Variants in MOK observed in about 807,000 individuals in gnomAD.
MOK encodes the protein MAPK/MAK/MRK overlapping kinase.
In MOK, 59 loss-of-function variants were observed where a neutral mutation model predicts 54.2. That is an observed-to-expected ratio of 1.09 (90% CI 0.88 to 1.35). The LOEUF is 1.35. Among genes scored for constraint, MOK ranks in the 40% most tolerant of loss-of-function variants. The pLI is 0.00. For missense variants in MOK, 517 were observed against 526.2 expected (o/e 0.98, Z 0.17); for synonymous variants, 210 against 202.7 (o/e 1.04, Z -0.31).
chr14:102,286,274 G>A (rs1363564245), intron 1 of MOK, among the ~76,000 whole-genome samples: 1 of 138,980 alleles, frequency 7.2e-6, no homozygotes, highest in Admixed American at 7.5e-5. Flanking sequence ...ACTCCAGCCT[G>A]GGCGACAGAG....
intron 1 of MOK, among the ~76,000 whole-genome samples, chr14:102,291,305 G>A (rs1276282181): frequency 1.3e-5 from 2 of 152,148 alleles, no homozygotes; most frequent in Non-Finnish European, 2.9e-5. Flanking sequence ...TCTCCAAGAA[G>A]CTTCTGCAAA....
chr14:102,285,621 C>T (rs75068610), intron 1 of MOK, among the ~76,000 whole-genome samples: 2,735 of 152,206 alleles, frequency 0.018, 92 homozygotes, highest in African/African-American at 0.063. Flanking sequence ...ATATCCCTGG[C>T]CGGCTCACAC....
chr14:102,285,742 A>T (rs78154917), intron 1 of MOK, among the ~76,000 whole-genome samples: 2,736 of 152,108 alleles, frequency 0.018, 92 homozygotes, highest in African/African-American at 0.063. Context: ...AAATACAAAA[A>T]TTAGCTGGAT....
intron 1 of MOK, among the ~76,000 whole-genome samples, chr14:102,290,736 G>A (rs1201750097): frequency 2.6e-5 from 4 of 152,158 alleles, no homozygotes; most frequent in Admixed American, 2.0e-4. Flanking sequence ...GAGGATCCCT[G>A]AACCCTAATG....
At chr14:102,223,534 A>T (rs1679355105), downstream of MOK, 1 of 152,548 alleles carries the variant, frequency 6.6e-6, no homozygotes, top group Admixed American at 6.5e-5. Context: ...TGTTGTTTCC[A>T]ATGCAATCAA....
chr14:102,255,656 T>G lies in MOK; in HGVS notation c.284-3661A>C, dbSNP rs116127308. 4.6e-3 allele frequency among the ~76,000 whole-genome samples: 705 copies of G among 152,284 alleles called. 6 individuals carry two copies. The highest frequency in any genetic ancestry group is 0.016 in the African/African-American group (654 of 41,552). On this transcript the variant is annotated intron_variant, in intron 4 of 11. Coordinates refer to ENST00000361847, the MANE Select transcript of MOK (RefSeq NM_014226.3). ...GCAAAGGAAAGCACTGCCTAGCCAC[T>G]CTCCATAAGCTTCTCCAGAACAAAC...
intron 10 of MOK, 70 bp from the exon 11 acceptor site, chr14:102,229,727 G>A: frequency 7.2e-7 from 1 of 1,382,756 alleles, no homozygotes; most frequent in Non-Finnish European, 9.9e-7. Context: ...AAAAACGAAA[G>A]AGGCTCTTTT....
intron 1 of MOK, among the ~76,000 whole-genome samples, chr14:102,299,459 G>A (rs2071898016): frequency 6.6e-6 from 1 of 151,620 alleles, no homozygotes; most frequent in African/African-American, 2.4e-5. Context: ...AGGTTGCAGC[G>A]AGCCAAGATC....
rs2064410409 is a variant in MOK, at chr14:102,229,228, C to T, written c.*61G>A. 2 of 1,498,908 alleles carry T rather than the reference C, an allele frequency of 1.3e-6. No individual in the cohort carries two copies. The highest frequency in any genetic ancestry group is 2.3e-5 in the East Asian group (1 of 44,100). The allele number at this position is 1,498,908 out of a possible 1,614,324, so 92.9% of individuals were successfully genotyped here. The stretch of plus-strand genomic sequence containing the variant: ...CCGTGGCGTCTCAGCAGCAGATCAC[C>T]CAGGCCTGGCCCGGTCGGGCTTGGT... On this transcript the variant is annotated 3_prime_UTR_variant, in exon 12 of 12. Transcript: ENST00000361847.
chr14:102,214,681 A>G, the MOK span: 1 of 983,784 alleles, frequency 1.0e-6, no homozygotes, highest in Non-Finnish European at 1.2e-6. Context: ...GTGAAAATCA[A>G]AAGTAAAATT....
intron 1 of MOK, among the ~76,000 whole-genome samples, chr14:102,301,332 C>T (rs190036306): frequency 8.8e-4 from 134 of 152,292 alleles, no homozygotes; most frequent in African/African-American, 3.1e-3. Flanking sequence ...GCCATGCCCA[C>T]CCGGTTCCAA....
chr14:102,225,073 T>C, downstream of MOK: 1 of 325,820 alleles, frequency 3.1e-6, no homozygotes, highest in Non-Finnish European at 5.9e-6. Context: ...AGAATTATTT[T>C]CTGTTTAAGA....
intron 7 of MOK, among the ~76,000 whole-genome samples, chr14:102,243,242 A>T (rs1456676148): frequency 6.6e-6 from 1 of 152,134 alleles, no homozygotes; most frequent in African/African-American, 2.4e-5. Context: ...AACCTAGCTG[A>T]CCACATAGAT....
chr14:102,293,626 A>C (rs2071019760), intron 1 of MOK, among the ~76,000 whole-genome samples: 1 of 138,996 alleles, frequency 7.2e-6, no homozygotes, highest in Non-Finnish European at 1.5e-5. Context: ...TGAACCCAGG[A>C]GGCGGAGGTT....
intron 7 of MOK, among the ~76,000 whole-genome samples, chr14:102,247,096 G>A (rs367706383): frequency 1.3e-5 from 2 of 151,792 alleles, no homozygotes; most frequent in Non-Finnish European, 2.9e-5. Flanking sequence ...CGCCACCTGC[G>A]ACTGTGTCCT....
At chr14:102,297,778 T>C (rs1478098594) in intron 1 of MOK, among the ~76,000 whole-genome samples, 1 of 152,060 alleles carries the variant, frequency 6.6e-6, no homozygotes. Context: ...CCGCACTAGG[T>C]GCGGCCAGCT....
chr14:102,294,310 G>C (rs963347992), intron 1 of MOK, among the ~76,000 whole-genome samples: 1 of 152,066 alleles, frequency 6.6e-6, no homozygotes, highest in Non-Finnish European at 1.5e-5. Flanking sequence ...GCCAGGCGTG[G>C]TGGTGGGCAC....
chr14:102,251,986 TATCTTCTCCCTGTACA>T lies in MOK; in HGVS notation c.284-7_292del. The T allele has an allele frequency of 6.3e-7, 1 of 1,581,652 alleles. No individual in the cohort carries two copies. The highest frequency in any genetic ancestry group is 8.7e-7 in the Non-Finnish European group (1 of 1,151,572). Reference sequence around the variant, plus strand: ...CATAATTTTTTTTTCTGATAATGGGTATCTTCTCCCTGTACAATCAAGGAAATAGGCAAATACGGTT... The same window carrying T: ...CATAATTTTTTTTTCTGATAATGGGTATCAAGGAAATAGGCAAATACGGTT... On this transcript the variant is annotated splice_acceptor_variant and splice_polypyrimidine_tract_variant and coding_sequence_variant and intron_variant, in exon 5 of 12. Coordinates refer to ENST00000361847, the MANE Select transcript of MOK (RefSeq NM_014226.3). LOFTEE classifies it high-confidence loss of function.
chr14:102,297,446 G>A (rs1436899141), intron 1 of MOK, among the ~76,000 whole-genome samples: 1 of 152,234 alleles, frequency 6.6e-6, no homozygotes, highest in Non-Finnish European at 1.5e-5. Context: ...AGGATTATTT[G>A]AGGTACCTTT....
Sources: gnomAD v4.1 joint callset for allele counts (sites outside exome capture counted in the v4.1 genomes callset) on GRCh38, gnomAD v4.1.1 for gene constraint, MANE v1.5 for transcripts, NCBI Gene and HGNC (gene_info 2026-07-23, HGNC 2026-07-21) for gene names.